The following TRAF2 variants were observed in gnomAD, a reference collection of about 807,000 sequenced individuals.
The protein encoded by TRAF2 is TNF receptor associated factor 2.
In TRAF2, 6 loss-of-function variants were observed where a neutral mutation model predicts 55.6. The ratio of observed to expected loss-of-function variants is 0.11; its 90% CI spans 0.06 to 0.21. The LOEUF is 0.21. Among genes scored for constraint, TRAF2 ranks in the 10% least tolerant of loss-of-function variants. The pLI, the probability that TRAF2 is intolerant of heterozygous loss-of-function variation, is 1.00. For missense variants in TRAF2, 561 were observed against 684.5 expected, an observed-to-expected ratio of 0.82 and a Z score of 2.01; for synonymous variants, 329 against 276.3, an observed-to-expected ratio of 1.19 and a Z score of -1.89.
intron 6 of TRAF2, among the ~76,000 whole-genome samples, chr9:136,914,838 G>A (rs111507530): frequency 1.5e-4 from 23 of 152,108 alleles, no homozygotes; most frequent in African/African-American, 5.1e-4. Flanking sequence ...AGTATTCCAC[G>A]GAGGCCCATT....
intron 1 of TRAF2, among the ~76,000 whole-genome samples, chr9:136,895,006 C>T (rs921348999): frequency 1.3e-5 from 2 of 152,134 alleles, no homozygotes; most frequent in Non-Finnish European, 1.5e-5. Flanking sequence ...AAATGAAAGC[C>T]TCCTGGGTTT....
At position 136,921,173 on chromosome 9, in the gene TRAF2, C is replaced by A; in HGVS notation, c.1096C>A (p.Gln366Lys). 2 of 1,614,010 alleles carry A rather than the reference C, an allele frequency of 1.2e-6. No homozygotes were observed. The highest frequency in any genetic ancestry group is 1.7e-6 in the Non-Finnish European group (2 of 1,180,034). Residue 366 changes from glutamine (Q) to lysine (K), a missense_variant, in exon 9 of 11, where the codon CAG becomes AAG. This residue lies in a region of TRAF2 where 135 missense variants were observed against 207.7 expected (regional missense o/e 0.65). Transcript: ENST00000247668. Reference sequence around the variant, plus strand: ...GATCTCAGACTTCGCCAGGAAGCGCCAGGAAGCTGTGGCTGGCCGCATACC... The same window carrying A: ...GATCTCAGACTTCGCCAGGAAGCGCAAGGAAGCTGTGGCTGGCCGCATACC... The part of the protein sequence containing the change: ...WKISDFARKR[Q>K]EAVAGRIPAI...
At chr9:136,888,018 C>T (rs1339345764) in intron 1 of TRAF2, among the ~76,000 whole-genome samples, 3 of 151,926 alleles carry the variant, frequency 2.0e-5, no homozygotes, top group African/African-American at 2.4e-5. Flanking sequence ...TACAGGCGTG[C>T]ACCACCACGC....
intron 1 of TRAF2, among the ~76,000 whole-genome samples, chr9:136,890,725 C>T (rs1373011482): frequency 1.3e-5 from 2 of 152,184 alleles, no homozygotes; most frequent in East Asian, 3.8e-4. Flanking sequence ...GCACAAAGAA[C>T]CCCAGAGTGT....
At chr9:136,889,484 A>G (rs1849529874) in intron 1 of TRAF2, 1 of 151,216 alleles carries the variant, frequency 6.6e-6, no homozygotes. Flanking sequence ...GGGTTTCTCC[A>G]CTTTGGTGAG....
At chr9:136,884,200 G>C (rs1161408835), upstream of TRAF2, among the ~76,000 whole-genome samples, 1 of 150,158 alleles carries the variant, frequency 6.7e-6, no homozygotes, top group Admixed American at 6.6e-5. Flanking sequence ...TGCTCGCCTA[G>C]GCCTCCCAAA....
intron 9 of TRAF2, among the ~76,000 whole-genome samples, chr9:136,923,364 A>G (rs897506911): frequency 6.6e-6 from 1 of 152,202 alleles, no homozygotes; most frequent in Admixed American, 6.5e-5. Context: ...TAATCCCAGC[A>G]CTTTGTGAGG....
chr9:136,909,969 G>A lies in TRAF2; in HGVS notation c.578G>A (p.Gly193Asp). 5 of 1,614,022 alleles carry A rather than the reference G, an allele frequency of 3.1e-6. No individual in the cohort carries two copies. The highest frequency in any genetic ancestry group is 4.2e-6 in the Non-Finnish European group (5 of 1,179,992). ...TTCCCCTTAACTTGTGACGGCTGCG[G>A]CAAGAAGAAGATCCCCCGGGAGAAG... ...PKFPLTCDGC[G>D]KKKIPREKFQ... Residue 193 changes from glycine (G) to aspartate (D), a missense_variant, in exon 6 of 11, where the codon GGC (glycine) becomes GAC (aspartate). Around this residue, in one of 2 missense-constraint regions of TRAF2, gnomAD observed 426 missense variants for 476.8 expected, o/e 0.89. Coordinates refer to ENST00000247668, the MANE Select transcript of TRAF2 (RefSeq NM_021138.4).
At chr9:136,925,652 T>G in intron 10 of TRAF2, 31 bp from the exon 11 acceptor site, 1 of 1,608,776 alleles carries the variant, frequency 6.2e-7, no homozygotes, top group South Asian at 1.1e-5. Flanking sequence ...CCCACAGACC[T>G]GTGTCCCCTC....
chr9:136,883,616 A>G (rs917779386), upstream of TRAF2, among the ~76,000 whole-genome samples: 3 of 152,030 alleles, frequency 2.0e-5, no homozygotes, highest in Admixed American at 2.0e-4. Context: ...TCCCAGGTTC[A>G]AGTGATTTTC....
chr9:136,892,091 C>T (rs765439802), intron 1 of TRAF2, among the ~76,000 whole-genome samples: 19 of 152,150 alleles, frequency 1.2e-4, no homozygotes, highest in Non-Finnish European at 2.5e-4. Context: ...ACTGGCATGA[C>T]TGCACTCATA....
intron 7 of TRAF2, among the ~76,000 whole-genome samples, chr9:136,917,291 A>C (rs937025047): frequency 6.6e-6 from 1 of 151,832 alleles, no homozygotes; most frequent in African/African-American, 2.4e-5. Context: ...CCCCTCAGCT[A>C]TCTCCTCTGC....
intron 1 of TRAF2, among the ~76,000 whole-genome samples, chr9:136,895,645 A>G (rs1217757532): frequency 6.6e-6 from 1 of 152,190 alleles, no homozygotes; most frequent in Non-Finnish European, 1.5e-5. Flanking sequence ...TGAGGCCAGG[A>G]GTTTAAGACC....
chr9:136,916,614 C>T lies in TRAF2; in HGVS notation c.677C>T (p.Thr226Met), dbSNP rs764049194. The part of the protein sequence containing the change: ...CRFHAIGCLE[T>M]VEGEKQQEHE... ...TTCCACGCCATCGGCTGCCTCGAGA[C>T]GGTGAGTCGGGGGGTCTGAGGTTGG... The change falls in exon 7 of 11, where the codon ACG becomes ATG. Residue 226 changes from threonine (T) to methionine (M), a missense_variant and splice_region_variant. Transcript: ENST00000247668. 10 of 1,613,828 alleles carry T rather than the reference C, an allele frequency of 6.2e-6. No homozygotes were observed. The highest frequency in any genetic ancestry group is 1.7e-5 in the Admixed American group (1 of 60,014).
At chr9:136,925,375 A>C (rs1307521187) in intron 10 of TRAF2, among the ~76,000 whole-genome samples, 1 of 152,160 alleles carries the variant, frequency 6.6e-6, no homozygotes, top group Non-Finnish European at 1.5e-5. Flanking sequence ...GCATTTTCCT[A>C]ATAATAATTC....
At chr9:136,920,041 G>A (rs1029641303) in intron 7 of TRAF2, among the ~76,000 whole-genome samples, 193 bp from the exon 8 acceptor site, 5 of 152,156 alleles carry the variant, frequency 3.3e-5, no homozygotes, top group African/African-American at 7.2e-5. Context: ...ATAGCTTCAC[G>A]TTCTTTAAAC....
intron 9 of TRAF2, among the ~76,000 whole-genome samples, chr9:136,922,078 A>G (rs1850400110): frequency 6.6e-6 from 1 of 152,206 alleles, no homozygotes; most frequent in Non-Finnish European, 1.5e-5. Context: ...TTAGCCTGGC[A>G]CTGCTCGTGA....
intron 4 of TRAF2, 68 bp downstream of exon 4, chr9:136,900,588 G>A (rs1849796686): frequency 7.6e-7 from 1 of 1,309,818 alleles, no homozygotes; most frequent in Non-Finnish European, 1.1e-6. Flanking sequence ...CGCTCCCCAA[G>A]CAGTTATGAC....
At chr9:136,907,355 G>A (rs1849979012) in intron 4 of TRAF2, among the ~76,000 whole-genome samples, 1 of 152,258 alleles carries the variant, frequency 6.6e-6, no homozygotes, top group African/African-American at 2.4e-5. Flanking sequence ...GGAGGGCAGG[G>A]CCTCTGCCCA....
Sources: allele counts gnomAD v4.1 joint callset (sites outside exome capture counted in the v4.1 genomes callset), GRCh38; gene constraint gnomAD v4.1.1; regional missense constraint gnomAD v4.1.1; transcripts MANE v1.5; gene names NCBI Gene and HGNC (gene_info 2026-07-23, HGNC 2026-07-21).